The following OAT variants were observed in gnomAD, a reference collection of about 807,000 sequenced individuals.
OAT encodes the protein ornithine aminotransferase, mitochondrial.
A neutral mutation model predicts 48.4 loss-of-function variants in OAT; 35 were observed. The ratio of observed to expected loss-of-function variants is 0.72; its 90% CI spans 0.55 to 0.96. The LOEUF (loss-of-function observed/expected upper bound fraction) is 0.96. Among genes scored for constraint, OAT ranks in the 40% least tolerant of loss-of-function variants. The pLI is 0.00. For synonymous variants in OAT, 182 were observed against 198.4 expected, an observed-to-expected ratio of 0.92 and a Z score of 0.70; for missense variants, 438 against 537.9, an observed-to-expected ratio of 0.81 and a Z score of 1.84.
chr10:124,411,832 A>AAAG (rs1564739462), intron 2 of OAT, 141 bp downstream of exon 2: 1 of 679,710 alleles, frequency 1.5e-6, no homozygotes, highest in Non-Finnish European at 2.4e-6. Context: ...AAAAAAAAAA[A>AAAG]AAGAAGAAGA....
At chr10:124,402,809 C>T (rs1417141211) in intron 7 of OAT, 118 bp downstream of exon 7, 3 of 1,394,572 alleles carry the variant, frequency 2.2e-6, no homozygotes, top group East Asian at 2.3e-5. Flanking sequence ...GCCTGCAGCA[C>T]ACTTGGTAAA....
chr10:124,410,055 T>C (rs1043501311), intron 2 of OAT, among the ~76,000 whole-genome samples: 1 of 152,194 alleles, frequency 6.6e-6, no homozygotes, highest in Non-Finnish European at 1.5e-5. Context: ...CCAAATAAAA[T>C]ACAAGCAAAT....
intron 6 of OAT, 140 bp from the exon 7 acceptor site, chr10:124,403,195 T>G: frequency 2.2e-6 from 2 of 895,624 alleles, no homozygotes; most frequent in Non-Finnish European, 3.6e-6. Flanking sequence ...ATGTTTTAAC[T>G]GCACACAATT....
intron 4 of OAT, among the ~76,000 whole-genome samples, chr10:124,407,985 A>G (rs1213554750): frequency 6.6e-6 from 1 of 152,064 alleles, no homozygotes; most frequent in Non-Finnish European, 1.5e-5. Flanking sequence ...ATGGCCCCAC[A>G]CTAACTTCAC....
At chr10:124,413,512 C>T (rs910487975) in intron 1 of OAT, among the ~76,000 whole-genome samples, 1 of 151,980 alleles carries the variant, frequency 6.6e-6, no homozygotes, top group South Asian at 2.1e-4. Flanking sequence ...GGAGAAACCC[C>T]GTCTCTACTG....
chr10:124,399,844 G>C (rs1181498058), intron 9 of OAT, among the ~76,000 whole-genome samples: 1 of 152,088 alleles, frequency 6.6e-6, no homozygotes, highest in South Asian at 2.1e-4. Context: ...CATTATTTCT[G>C]CTGCTCCTAT....
Position 124,397,921 on chromosome 10 carries a change from A to G in OAT, c.*21T>C, listed in dbSNP as rs766302873. ...TGTCTCCAGCTGGCTCCCAGGGACC[A>G]CTGAAAACAGCTGGCTACCCTCAGA... On this transcript the variant is annotated 3_prime_UTR_variant, in exon 10 of 10. Transcript: ENST00000368845. 3 of 1,613,484 alleles carry G rather than the reference A, an allele frequency of 1.9e-6. No homozygotes were observed. Among genetic ancestry groups the G allele is most frequent in the Non-Finnish European group, 2.5e-6 (3 of 1,179,806 alleles).
At chr10:124,407,470 T>C (rs1951616968) in intron 4 of OAT, 4 of 985,164 alleles carry the variant, frequency 4.1e-6, no homozygotes, top group Non-Finnish European at 4.8e-6. Flanking sequence ...GAGACAGTTA[T>C]GTTGTCCTAC....
intron 4 of OAT, 150 bp downstream of exon 4, chr10:124,408,392 A>G (rs1951660496): frequency 2.0e-6 from 1 of 509,110 alleles, no homozygotes; most frequent in South Asian, 2.1e-5. Flanking sequence ...TATGTTGCCC[A>G]GAAGGCTGGT....
At chr10:124,413,826 C>T (rs369587027) in intron 1 of OAT, among the ~76,000 whole-genome samples, 5 of 152,020 alleles carry the variant, frequency 3.3e-5, no homozygotes, top group African/African-American at 7.3e-5. Context: ...TTTACCCTGC[C>T]GCCCCATCAC....
At chr10:124,414,944 G>A (rs1035474591) in intron 1 of OAT, 12 of 151,778 alleles carry the variant, frequency 7.9e-5, no homozygotes, top group Non-Finnish European at 1.3e-4. Context: ...CAGGTGTGGC[G>A]ATGCGTACCT....
chr10:124,399,049 A>T (rs925426079), intron 9 of OAT, among the ~76,000 whole-genome samples: 3 of 151,972 alleles, frequency 2.0e-5, no homozygotes, highest in Non-Finnish European at 4.4e-5. Context: ...TAAAATAAAT[A>T]AAATAAATAA....
chr10:124,405,396 T>G, intron 5 of OAT, 40 bp downstream of exon 5: 1 of 1,611,562 alleles, frequency 6.2e-7, no homozygotes, highest in East Asian at 2.2e-5. Context: ...CTTTAATTTC[T>G]ATTCCCAATG....
At chr10:124,400,752 A>G in intron 9 of OAT, 88 bp downstream of exon 9, 1 of 1,143,786 alleles carries the variant, frequency 8.7e-7, no homozygotes, top group East Asian at 2.7e-5. Flanking sequence ...TCCGTCTCGA[A>G]AAATAAATAA....
Position 124,415,074 on chromosome 10 carries a change from T to TGTGTCGCTAAAAAAAAAAAA in OAT, c.-29-2875_-29-2874insTTTTTTTTTTTTAGCGACAC, listed in dbSNP as rs1564742697. The TGTGTCGCTAAAAAAAAAAAA allele has an allele frequency of 3.0e-4, 5 of 16,858 alleles. 1 individual carries two copies. Among genetic ancestry groups the TGTGTCGCTAAAAAAAAAAAA allele is most frequent in the South Asian group, 5.6e-3 (2 of 356 alleles). The allele number at this position is 16,858 out of a possible 1,614,324, so 1.0% of individuals were successfully genotyped here. The stretch of plus-strand genomic sequence containing the variant: ...CACTCCAGCCTGGGCTACAAAGCGC[T>TGTGTCGCTAAAAAAAAAAAA]AAAAAAAAAAAAAAAAAAAAAAAAA... On this transcript the variant is annotated intron_variant, in intron 1 of 9. Transcript: ENST00000368845.
At chr10:124,406,530 G>A (rs1347268011) in intron 4 of OAT, among the ~76,000 whole-genome samples, 1 of 150,204 alleles carries the variant, frequency 6.7e-6, no homozygotes, top group Non-Finnish European at 1.5e-5. Context: ...AAAGATGTTG[G>A]GGAAGCCGGG....
chr10:124,401,691 A>G, intron 8 of OAT, 35 bp downstream of exon 8: 1 of 1,386,632 alleles, frequency 7.2e-7, no homozygotes, highest in Non-Finnish European at 1.0e-6. Context: ...CATTGCTTTA[A>G]AGAATAGACA....
intron 2 of OAT, among the ~76,000 whole-genome samples, chr10:124,411,139 CAAA>C (rs370084432): frequency 1.3e-4 from 2 of 15,014 alleles, no homozygotes; most frequent in African/African-American, 1.9e-4. Context: ...CATTCCGTCT[CAAA>C]AAAAAAAAAA....
rs1408191548 is a variant in OAT at position 124,400,996 on chromosome 10, G to A, written c.1015-12C>T. The A allele has an allele frequency of 6.3e-7, 1 of 1,598,898 alleles. No individual in the cohort carries two copies. Among genetic ancestry groups the A allele is most frequent in the Non-Finnish European group, 8.6e-7 (1 of 1,168,540 alleles). ...TCTTCTTCTAAAACCTACGTTTAAA[G>A]AAAAATTATACAAATATTAAGACTG... is the stretch of plus-strand genomic sequence containing the variant. On this transcript the variant is annotated splice_polypyrimidine_tract_variant and intron_variant, in intron 8 of 9. Coordinates refer to ENST00000368845, the MANE Select transcript of OAT (RefSeq NM_000274.4).
Sources: allele counts gnomAD v4.1 joint callset (sites outside exome capture counted in the v4.1 genomes callset), GRCh38; gene constraint gnomAD v4.1.1; transcripts MANE v1.5; gene names NCBI Gene and HGNC (gene_info 2026-07-23, HGNC 2026-07-21).